VPS39: variants seen among roughly 807,000 people sequenced by gnomAD.
VPS39 encodes the protein VPS39 subunit of HOPS complex.
VPS39 carries 70 observed loss-of-function variants against 121.0 expected under a neutral mutation model. The ratio of observed to expected loss-of-function variants is 0.58; its 90% CI spans 0.48 to 0.71. The LOEUF is 0.71. Ranked by LOEUF, VPS39 falls within the 30% of genes least tolerant of loss-of-function variation. The pLI, the probability that VPS39 is intolerant of heterozygous loss-of-function variation, is 0.00. For missense variants in VPS39, 818 were observed against 1,051.5 expected, an observed-to-expected ratio of 0.78 and a Z score of 3.07; for synonymous variants, 378 against 398.1, an observed-to-expected ratio of 0.95 and a Z score of 0.60.
chr15:42,199,572 G>A (rs764594312), intron 2 of VPS39: 5 of 466,050 alleles, frequency 1.1e-5, no homozygotes, highest in African/African-American at 1.0e-4. Flanking sequence ...ATGCCCATTA[G>A]TAGTATTTCT....
chr15:42,164,560 G>A, intron 18 of VPS39, 74 bp from the exon 19 acceptor site: 1 of 1,579,516 alleles, frequency 6.3e-7, no homozygotes, highest in Non-Finnish European at 8.6e-7. Flanking sequence ...AAAAATGAAG[G>A]GAATGGGGTT....
At chr15:42,173,612 A>C (rs1351701508) in intron 11 of VPS39, 111 bp downstream of exon 11, 4 of 1,408,630 alleles carry the variant, frequency 2.8e-6, no homozygotes, top group Non-Finnish European at 3.9e-6. Context: ...GGATCAATTT[A>C]GCTGAGCCTA....
intron 24 of VPS39, chr15:42,161,412 A>T: frequency 3.8e-6 from 2 of 529,202 alleles, no homozygotes; most frequent in Admixed American, 5.6e-5. Context: ...GGCACCCACT[A>T]TATCAGGTTC....
intron 2 of VPS39, 83 bp downstream of exon 2, chr15:42,199,813 A>G: frequency 7.0e-7 from 1 of 1,421,868 alleles, no homozygotes; most frequent in South Asian, 1.4e-5. Flanking sequence ...CTCTCTTTTA[A>G]TGGTCCAGGA....
intron 15 of VPS39, 62 bp from the exon 16 acceptor site, chr15:42,166,294 G>A: frequency 6.7e-7 from 1 of 1,500,664 alleles, no homozygotes; most frequent in South Asian, 1.1e-5. Context: ...CACTGGGAAG[G>A]CAGGTGGGCA....
At chr15:42,168,506 G>A (rs1304298331) in intron 12 of VPS39, among the ~76,000 whole-genome samples, 3 of 151,962 alleles carry the variant, frequency 2.0e-5, no homozygotes, top group African/African-American at 7.3e-5. Flanking sequence ...GGCAGGGAGT[G>A]GAAAGTGGCA....
At position 42,178,280 on chromosome 15, in the gene VPS39, T is replaced by C. The variant is rs776808808; in HGVS notation, c.898A>G (p.Met300Val). The C allele has an allele frequency of 6.2e-7, 1 of 1,614,162 alleles. No individual in the cohort carries two copies. The highest frequency in any genetic ancestry group is 8.5e-7 in the Non-Finnish European group (1 of 1,180,032). ...HFVWRLIPVP[M>V]ATQIQQLLQD... The stretch of plus-strand genomic sequence containing the variant: ...AGAAGTTGTTGGATTTGGGTTGCCA[T>C]GGGGACAGGGATGAGTCTCCAAACA... The change falls in exon 10 of 25, where the codon ATG becomes GTG. Residue 300 changes from methionine (M) to valine (V), a missense_variant. Physicochemically the swap from Met to Val is conservative, Grantham distance 21. Transcript: ENST00000318006.
At chr15:42,201,157 A>G (rs1293617664) in intron 1 of VPS39, among the ~76,000 whole-genome samples, 4 of 147,554 alleles carry the variant, frequency 2.7e-5, no homozygotes, top group Admixed American at 6.8e-5. Context: ...ACTAAAAACC[A>G]TTTAATTGTA....
At chr15:42,199,613 G>A (rs2050022164) in intron 2 of VPS39, 1 of 481,030 alleles carries the variant, frequency 2.1e-6, no homozygotes, top group South Asian at 1.7e-5. Context: ...AAAGAAAAGA[G>A]GAGGAAAACA....
intron 11 of VPS39, among the ~76,000 whole-genome samples, chr15:42,170,083 C>T (rs1482641408): frequency 6.6e-6 from 1 of 151,946 alleles, no homozygotes; most frequent in African/African-American, 2.4e-5. Context: ...AAATGCCTGA[C>T]TATATTCAAA....
chr15:42,207,623 A>G (rs990314647), intron 1 of VPS39, among the ~76,000 whole-genome samples: 10 of 152,046 alleles, frequency 6.6e-5, no homozygotes, highest in African/African-American at 2.2e-4. Context: ...CACTAAGGGG[A>G]AAAAAAAGCA....
At chr15:42,194,586 A>C (rs2049895867) in intron 2 of VPS39, among the ~76,000 whole-genome samples, 2 of 152,070 alleles carry the variant, frequency 1.3e-5, no homozygotes, top group South Asian at 4.1e-4. Context: ...TGAAAAAACT[A>C]TCTGGGCATG....
chr15:42,207,959 C>T (rs2050209922), intron 1 of VPS39, 122 bp downstream of exon 1: 1 of 1,060,734 alleles, frequency 9.4e-7, no homozygotes, highest in South Asian at 1.5e-5. Context: ...TCCTAAGCCC[C>T]TCTCGTGTAG....
chr15:42,165,382 T>C (rs908021857), intron 17 of VPS39: 16 of 540,470 alleles, frequency 3.0e-5, no homozygotes, highest in Non-Finnish European at 4.6e-5. Flanking sequence ...ACTCATGTAA[T>C]TGTGGTTAAA....
intron 18 of VPS39, 153 bp downstream of exon 18, chr15:42,164,843 C>T (rs1404974693): frequency 6.9e-7 from 1 of 1,449,144 alleles, no homozygotes; most frequent in African/African-American, 1.4e-5. Context: ...ATGTGCCAGG[C>T]TTGTGTCACT....
At chr15:42,176,840 T>G (rs2049461577) in intron 10 of VPS39, among the ~76,000 whole-genome samples, 1 of 152,176 alleles carries the variant, frequency 6.6e-6, no homozygotes. Flanking sequence ...TTATTACTAT[T>G]ATCTTCATAA....
rs142920817 is a variant in VPS39 at position 42,186,816 on chromosome 15, C to T, written c.534+455G>A. 1.5e-4 allele frequency among the ~76,000 whole-genome samples: 23 copies of T among 152,260 alleles called. No individual in the cohort carries two copies. The East Asian group carries it at 3.7e-3, about 24-fold the overall frequency. ...TCTGTAATAAACACGTGTAAAAACA[C>T]GTGGCTTTTGAAATTTAAAAAAATA... On this transcript the variant is annotated intron_variant, in intron 7 of 24. Transcript: ENST00000318006.
At chr15:42,191,585 T>C (rs761194278) in intron 2 of VPS39, 25 bp from the exon 3 acceptor site, 62 of 1,601,336 alleles carry the variant, frequency 3.9e-5, no homozygotes, top group Non-Finnish European at 4.8e-5. Flanking sequence ...TAAACACTGG[T>C]AGTTCCAAAT....
chr15:42,166,127 C>A (rs991221104), intron 16 of VPS39, 32 bp downstream of exon 16: 24 of 1,600,222 alleles, frequency 1.5e-5, no homozygotes, highest in Non-Finnish European at 2.0e-5. Flanking sequence ...CAAGTGTTTA[C>A]CAGATAAATC....
Sources: allele counts gnomAD v4.1 joint callset (sites outside exome capture counted in the v4.1 genomes callset), GRCh38; gene constraint gnomAD v4.1.1; transcripts MANE v1.5; gene names NCBI Gene and HGNC (gene_info 2026-07-23, HGNC 2026-07-21).